FOXP1: variants seen among roughly 807,000 people sequenced by gnomAD.
FOXP1 encodes forkhead box protein P1.
In FOXP1, 15 loss-of-function variants were observed where a neutral mutation model predicts 98.2. That is an observed-to-expected ratio of 0.15 (90% CI 0.10 to 0.24). The LOEUF (loss-of-function observed/expected upper bound fraction) is 0.24, where lower values mean the gene tolerates loss of function less well. Ranked by LOEUF, FOXP1 falls within the 10% of genes least tolerant of loss-of-function variation. The pLI is 1.00. For synonymous variants in FOXP1, 371 were observed against 314.5 expected, an observed-to-expected ratio of 1.18 and a Z score of -1.90; for missense variants, 633 against 848.5, an observed-to-expected ratio of 0.75 and a Z score of 3.15.
At chr3:71,008,674 TAAAGC>T (rs2043117176) in intron 12 of FOXP1, among the ~76,000 whole-genome samples, 2 of 152,266 alleles carry the variant, frequency 1.3e-5, no homozygotes, top group Non-Finnish European at 2.9e-5. Context: ...CTGATTCTGA[TAAAGC>T]GTCCCTCTGT....
chr3:71,434,757 T>A (rs182244801), intron 3 of FOXP1, among the ~76,000 whole-genome samples: 2 of 151,640 alleles, frequency 1.3e-5, no homozygotes, highest in Non-Finnish European at 2.9e-5. Context: ...TTAAAGGTAA[T>A]AGAGTAGAGG....
At chr3:71,573,485 G>C (rs764181358) in intron 2 of FOXP1, 1 of 152,084 alleles carries the variant, frequency 6.6e-6, no homozygotes, top group Non-Finnish European at 1.5e-5. Flanking sequence ...AGAATTTGTT[G>C]TAAGCTTACC....
At chr3:71,111,458 T>C (rs528381422) in intron 7 of FOXP1, among the ~76,000 whole-genome samples, 279 of 152,290 alleles carry the variant, frequency 1.8e-3, no homozygotes, top group Non-Finnish European at 3.3e-3. Context: ...AGCACAGTGG[T>C]GCGAGCTTGG....
At chr3:71,412,184 G>A (rs530898655) in intron 3 of FOXP1, among the ~76,000 whole-genome samples, 4 of 152,244 alleles carry the variant, frequency 2.6e-5, no homozygotes, top group African/African-American at 9.6e-5. Flanking sequence ...TGGTGTAGGG[G>A]ATCTAGAGAC....
At chr3:71,029,140 T>C (rs1271070784) in intron 11 of FOXP1, among the ~76,000 whole-genome samples, 1 of 152,216 alleles carries the variant, frequency 6.6e-6, no homozygotes, top group African/African-American at 2.4e-5. Context: ...GTGGCAAGTA[T>C]AGAAGTACTC....
chr3:71,575,218 T>C lies in FOXP1; in HGVS notation c.-298+6331A>G, dbSNP rs73839907. ...TTTTCATTCGTAATAAAAATCCAAA[T>C]ACATTAAAAACAACACAGGATGGGC... On this transcript the variant is annotated intron_variant, in intron 2 of 20. Coordinates refer to ENST00000649528, the MANE Select transcript of FOXP1 (RefSeq NM_001349338.3). Among the ~76,000 whole-genome samples the C allele has an allele frequency of 3.0e-3, 458 of 152,160 alleles. 3 individuals are homozygous for C. The highest frequency in any genetic ancestry group is 0.011 in the African/African-American group (445 of 41,500).
At chr3:71,409,580 A>C (rs1019731950) in intron 3 of FOXP1, among the ~76,000 whole-genome samples, 2 of 137,280 alleles carry the variant, frequency 1.5e-5, no homozygotes, top group African/African-American at 5.4e-5. Flanking sequence ...AATCTAAGTT[A>C]TTTACTTTGG....
chr3:71,333,925 A>G (rs2076509156), intron 4 of FOXP1: 1 of 152,202 alleles, frequency 6.6e-6, no homozygotes, highest in Admixed American at 6.5e-5. Context: ...AAAAAAAGAA[A>G]AATCATTCTA....
chr3:71,339,327 T>C (rs992439166), intron 4 of FOXP1, among the ~76,000 whole-genome samples: 1 of 152,242 alleles, frequency 6.6e-6, no homozygotes, highest in African/African-American at 2.4e-5. Flanking sequence ...CAAACATCTT[T>C]ACCACTGTTT....
At chr3:71,018,311 A>T (rs918318684) in intron 11 of FOXP1, among the ~76,000 whole-genome samples, 1 of 152,244 alleles carries the variant, frequency 6.6e-6, no homozygotes, top group Non-Finnish European at 1.5e-5. Context: ...GCAATCAGTT[A>T]TACCTGAAGT....
At chr3:70,967,710 GTTTTTTTT>G (rs756777959) in intron 19 of FOXP1, among the ~76,000 whole-genome samples, 4 of 68,872 alleles carry the variant, frequency 5.8e-5, no homozygotes, top group Admixed American at 2.0e-4. Flanking sequence ...GTTTTTTTTT[GTTTTTTTT>G]TTTTTTTTTT....
chr3:71,262,657 AGT>A (rs1463598347), intron 5 of FOXP1, among the ~76,000 whole-genome samples: 3 of 152,172 alleles, frequency 2.0e-5, no homozygotes, highest in Admixed American at 6.5e-5. Flanking sequence ...TGAGGGTCAG[AGT>A]CTAAATGGAA....
intron 11 of FOXP1, among the ~76,000 whole-genome samples, chr3:71,026,083 C>G (rs1459069623): frequency 6.6e-6 from 1 of 152,180 alleles, no homozygotes; most frequent in Non-Finnish European, 1.5e-5. Flanking sequence ...TCATAATATG[C>G]ACACACTCAG....
At chr3:71,192,883 C>T (rs2063074099) in intron 6 of FOXP1, among the ~76,000 whole-genome samples, 1 of 152,268 alleles carries the variant, frequency 6.6e-6, no homozygotes, top group South Asian at 2.1e-4. Flanking sequence ...CTCCTCAGCT[C>T]AAGGAATCTG....
intron 4 of FOXP1, among the ~76,000 whole-genome samples, chr3:71,310,001 A>T (rs1276969602): frequency 6.6e-6 from 1 of 152,188 alleles, no homozygotes; most frequent in African/African-American, 2.4e-5. Flanking sequence ...CCAACTTATG[A>T]TTTGAAATGA....
intron 4 of FOXP1, among the ~76,000 whole-genome samples, chr3:71,351,052 C>T (rs1216779608): frequency 6.6e-6 from 1 of 152,096 alleles, no homozygotes; most frequent in Non-Finnish European, 1.5e-5. Context: ...ATCCAGATTC[C>T]ATGACAGCTG....
chr3:71,280,126 CAAAAAAAAAAAA>C (rs56674677), intron 5 of FOXP1, among the ~76,000 whole-genome samples: 4 of 106,208 alleles, frequency 3.8e-5, no homozygotes, highest in African/African-American at 3.5e-5. Context: ...CTGTCTCAAA[CAAAAAAAAAAAA>C]AAAAAAAAAA....
intron 11 of FOXP1, among the ~76,000 whole-genome samples, chr3:71,033,509 T>G (rs2106714166): frequency 6.7e-6 from 1 of 148,784 alleles, no homozygotes; most frequent in South Asian, 2.1e-4. Flanking sequence ...TGCTGTGTTA[T>G]GGTAAAAGGC....
intron 2 of FOXP1, among the ~76,000 whole-genome samples, chr3:71,534,829 T>G (rs551174115): frequency 2.6e-4 from 39 of 152,268 alleles, no homozygotes; most frequent in Admixed American, 2.6e-4. Flanking sequence ...GTTCCAAGAC[T>G]CTCTCTTATT....
Sources: allele counts gnomAD v4.1 joint callset (sites outside exome capture counted in the v4.1 genomes callset), GRCh38; gene constraint gnomAD v4.1.1; transcripts MANE v1.5; gene names NCBI Gene and HGNC (gene_info 2026-07-23, HGNC 2026-07-21).